ARK2C: variants seen among roughly 807,000 people sequenced by gnomAD.
ARK2C encodes the protein E3 ubiquitin-protein ligase ARK2C.
chr18:46,382,000 C>A, the ARK2C span, among the ~76,000 whole-genome samples: 2 of 152,184 alleles, frequency 1.3e-5, no homozygotes, highest in Non-Finnish European at 1.5e-5. Flanking sequence ...AGATGCTCTG[C>A]AGGAGCCCCA....
At chr18:46,374,988 G>A in the ARK2C span, among the ~76,000 whole-genome samples, 1 of 152,098 alleles carries the variant, frequency 6.6e-6, no homozygotes, top group Non-Finnish European at 1.5e-5. Flanking sequence ...TTCAGGTCTT[G>A]GGCCCCAGCC....
At chr18:46,459,203 T>C in the ARK2C span, 1 of 152,246 alleles carries the variant, frequency 6.6e-6, no homozygotes, top group African/African-American at 2.4e-5. Flanking sequence ...GAGGCCAGGA[T>C]AGAACTAGAG....
At chr18:46,372,140 G>A in the ARK2C span, among the ~76,000 whole-genome samples, 1 of 152,118 alleles carries the variant, frequency 6.6e-6, no homozygotes, top group Non-Finnish European at 1.5e-5. Context: ...TTGGCTGCAG[G>A]GCCTTAGGAG....
the ARK2C span, among the ~76,000 whole-genome samples, chr18:46,379,519 C>T: frequency 5.9e-5 from 9 of 152,178 alleles, no homozygotes; most frequent in South Asian, 2.1e-4. Flanking sequence ...CACACAGTAA[C>T]GGCTTCCGGG....
At chr18:46,457,302 T>A in the ARK2C span, 1 of 152,386 alleles carries the variant, frequency 6.6e-6, no homozygotes, top group East Asian at 1.9e-4. Flanking sequence ...TTCACCCAAT[T>A]TGGGAGGCGG....
the ARK2C span, among the ~76,000 whole-genome samples, chr18:46,379,651 T>C: frequency 6.6e-6 from 1 of 152,198 alleles, no homozygotes; most frequent in South Asian, 2.1e-4. Flanking sequence ...CCTGAGGCCC[T>C]CCCCACCAAC....
the ARK2C span, among the ~76,000 whole-genome samples, chr18:46,379,287 T>A: frequency 6.6e-6 from 1 of 152,198 alleles, no homozygotes; most frequent in Admixed American, 6.5e-5. Context: ...ACCGTACTTG[T>A]CTCCACTTTG....
At chr18:46,404,519 C>A in the ARK2C span, among the ~76,000 whole-genome samples, 3 of 152,026 alleles carry the variant, frequency 2.0e-5, no homozygotes, top group Non-Finnish European at 2.9e-5. Flanking sequence ...TTTGGGTGGC[C>A]GAGGCAGGTG....
At chr18:46,342,712 A>AT in the ARK2C span, among the ~76,000 whole-genome samples, 1 of 152,106 alleles carries the variant, frequency 6.6e-6, no homozygotes. Context: ...CACGTTTTGC[A>AT]TTTTTTCTTA....
the ARK2C span, among the ~76,000 whole-genome samples, chr18:46,397,630 G>A: frequency 7.6e-6 from 1 of 130,768 alleles, no homozygotes; most frequent in Non-Finnish European, 1.6e-5. Flanking sequence ...TGAGGTGTGA[G>A]GGTGTGTGTG....
At chr18:46,353,917 T>A in the ARK2C span, among the ~76,000 whole-genome samples, 3 of 152,010 alleles carry the variant, frequency 2.0e-5, no homozygotes, top group Non-Finnish European at 2.9e-5. Context: ...AAGACCCAGC[T>A]CTAAGGGTTT....
the ARK2C span, among the ~76,000 whole-genome samples, chr18:46,423,213 C>T: frequency 1.3e-5 from 2 of 152,170 alleles, no homozygotes; most frequent in African/African-American, 4.8e-5. Context: ...ACCCAAGGGC[C>T]TGGAAACATT....
At chr18:46,334,835 C>T in the ARK2C span, 331 of 194,296 alleles carry the variant, frequency 1.7e-3, 4 homozygotes, top group African/African-American at 7.5e-3. The surrounding 1 kb of genome is among the most constrained non-coding windows in gnomAD (Gnocchi z 4.4). Context: ...TCATTAGTAC[C>T]GATGGCTGGC....
the ARK2C span, among the ~76,000 whole-genome samples, chr18:46,370,094 G>T: frequency 1.3e-5 from 2 of 152,204 alleles, no homozygotes; most frequent in Non-Finnish European, 2.9e-5. Flanking sequence ...TCTTCCCTTT[G>T]AGCATCACTT....
chr18:46,363,191 A>G, the ARK2C span, among the ~76,000 whole-genome samples: 1 of 152,208 alleles, frequency 6.6e-6, no homozygotes, highest in Non-Finnish European at 1.5e-5. Flanking sequence ...GTCTAAATGA[A>G]TGTGGCTTTA....
At chr18:46,362,101 G>A in the ARK2C span, among the ~76,000 whole-genome samples, 1,118 of 152,376 alleles carry the variant, frequency 7.3e-3, 32 homozygotes, top group Admixed American at 0.055. Flanking sequence ...TCATATGGGA[G>A]TGTAATGGGG....
chr18:46,372,577 G>A, the ARK2C span, among the ~76,000 whole-genome samples: 2 of 152,330 alleles, frequency 1.3e-5, no homozygotes, highest in East Asian at 1.9e-4. Context: ...ACCATGTGAG[G>A]ACACGTGACC....
At chr18:46,384,415 T>C in the ARK2C span, among the ~76,000 whole-genome samples, 1 of 152,358 alleles carries the variant, frequency 6.6e-6, no homozygotes, top group Admixed American at 6.5e-5. Flanking sequence ...TTCAGAGATC[T>C]GCCCCTAGCT....
At chr18:46,384,178 C>T in the ARK2C span, among the ~76,000 whole-genome samples, 1 of 152,166 alleles carries the variant, frequency 6.6e-6, no homozygotes, top group African/African-American at 2.4e-5. Context: ...GCCGTGCTTC[C>T]AGCCCAACCT....
Sources: allele counts gnomAD v4.1 joint callset (sites outside exome capture counted in the v4.1 genomes callset), GRCh38; gene constraint gnomAD v4.1.1; non-coding constraint Gnocchi (gnomAD v3.1); transcripts MANE v1.5; gene names NCBI Gene and HGNC (gene_info 2026-07-23, HGNC 2026-07-21).